The following HSPG2 variants were observed in gnomAD, a reference collection of about 807,000 sequenced individuals.
HSPG2 encodes the protein heparan sulfate proteoglycan 2, also known as basement membrane-specific heparan sulfate proteoglycan core protein.
Under a neutral mutation model 526.6 loss-of-function variants are expected in HSPG2, and 278 were observed. The ratio of observed to expected loss-of-function variants is 0.53; its 90% confidence interval spans 0.48 to 0.58. HSPG2 has a LOEUF of 0.58. Among genes scored for constraint, HSPG2 ranks in the 20% least tolerant of loss-of-function variants. HSPG2 has a pLI of 0.00. For missense variants in HSPG2, 5,354 were observed against 6,099.5 expected (o/e 0.88, Z 4.07); for synonymous variants, 2,465 against 2,555.4 (o/e 0.96, Z 1.07).
In HSPG2 at chr1:21,837,088, A is replaced by C. The variant is rs1005705863; in HGVS notation, c.10151-82T>G. ...CCCTCCAGGGACCCAGGAAACCCCC[A>C]GCCCAACATTCAAGGAATGTTCTCC... On this transcript the variant is annotated intron_variant, in intron 74 of 96. Transcript: ENST00000374695. 5 of 1,276,638 alleles carry C rather than the reference A, an allele frequency of 3.9e-6. No homozygotes were observed. The African/African-American group carries it at 7.4e-5, about 19-fold the overall frequency. The allele number at this position is 1,276,638 out of a possible 1,614,324, so 79.1% of individuals were successfully genotyped here.
intron 14 of HSPG2, 110 bp downstream of exon 14, chr1:21,881,229 G>A (rs551297340): frequency 3.1e-6 from 4 of 1,292,438 alleles, no homozygotes; most frequent in Non-Finnish European, 3.4e-6. Flanking sequence ...CTGCATCGGG[G>A]CATGGTAACA....
In HSPG2 at chr1:21,842,829, G is replaced by C. The variant is rs2152706972; in HGVS notation, c.8851C>G (p.Gln2951Glu). The C allele has an allele frequency of 6.2e-7, 1 of 1,614,030 alleles. No individual in the cohort carries two copies. The highest frequency in any genetic ancestry group is 1.7e-4 in the Middle Eastern group (1 of 6,022). ...TACCACGTGACCTGGGCATGGGCCT[G>C]CCCGGGCACCACACAGTTCAGATCC... ...TLDLNCVVPG[Q>E]AHAQVTWYKR... The change falls in exon 67 of 97, where the codon CAG becomes GAG. Residue 2951 changes from glutamine to glutamate, a missense_variant. Transcript: ENST00000374695.
At position 21,890,547 on chromosome 1, in the gene HSPG2, G is replaced by A. The variant is rs754899953; in HGVS notation, c.354+38C>T. 8.7e-6 allele frequency: 14 copies of A among 1,607,406 alleles called. No homozygotes were observed. The highest frequency in any genetic ancestry group is 6.7e-5 in the Admixed American group (4 of 59,978). On this transcript the variant is annotated intron_variant, in intron 4 of 96. Transcript: ENST00000374695. This position sits in a 1 kb window ranked among gnomAD's most constrained non-coding sequence, Gnocchi z 4.1. ...TTCACCCCATCCTCGGTCCTGCCCC[G>A]CCACACCCGCGAGCTTCCCAAACCC...
rs1056086917 is a variant in HSPG2, at chr1:21,864,517, G to T, written c.4627-304C>A. On this transcript the variant is annotated intron_variant, in intron 36 of 96. Coordinates refer to ENST00000374695, the MANE Select transcript of HSPG2 (RefSeq NM_005529.7). This position sits in a 1 kb window ranked among gnomAD's most constrained non-coding sequence, Gnocchi z 4.8. The stretch of plus-strand genomic sequence containing the variant: ...CATGAACTGGGTTTTAACCCCCGGA[G>T]AGTGTGGCCCAAACGTGAGGCTGCA... Among the ~76,000 whole-genome samples the T allele has an allele frequency of 2.0e-5, 3 of 152,160 alleles. No homozygotes were observed. Among genetic ancestry groups the T allele is most frequent in the Non-Finnish European group, 2.9e-5 (2 of 68,042 alleles).
intron 1 of HSPG2, among the ~76,000 whole-genome samples, chr1:21,901,078 T>C (rs1643075211): frequency 6.6e-6 from 1 of 152,106 alleles, no homozygotes; most frequent in Non-Finnish European, 1.5e-5. Flanking sequence ...GCACATGCTC[T>C]ATGTCACCTT....
rs560125766 is a variant in HSPG2 at position 21,841,193 on chromosome 1, G to A, written c.9421C>T (p.Arg3141Cys). The A allele has an allele frequency of 3.7e-5, 60 of 1,613,840 alleles. No homozygotes were observed. Among genetic ancestry groups the A allele is most frequent in the Admixed American group, 1.8e-4 (11 of 60,034 alleles). The change falls in exon 71 of 97, where the codon CGC becomes TGC. Residue 3141 changes from arginine to cysteine, a missense_variant. Arg to Cys is a radical substitution (Grantham distance 180). Coordinates refer to ENST00000374695, the MANE Select transcript of HSPG2 (RefSeq NM_005529.7). ...TLECVSAGEP[R>C]SSARWTRISS... ...ATCCGGGTCCAACGAGCAGAGGAGC[G>A]GGGCTCCCCGGCACTGACACACTCC...
rs1380474329 is a variant in HSPG2 at position 21,917,478 on chromosome 1, TAA to T, written c.63+19675_63+19676del. Among the ~76,000 whole-genome samples, 4 of 135,804 alleles carry T rather than the reference TAA, an allele frequency of 2.9e-5. No individual in the cohort carries two copies. In the East Asian group the frequency reaches 9.0e-4, roughly 31 times the overall value. The allele number at this position is 135,804 out of a possible 152,430, so 89.1% of individuals were successfully genotyped here. On this transcript the variant is annotated intron_variant, in intron 1 of 96. Transcript: ENST00000374695. ...ATAAATAAATAAATAAATAAATAAA[TAA>T]ATAAAAATAAAAGACAGGGCAGAAT... is the stretch of plus-strand genomic sequence containing the variant.
chr1:21,874,449 C>T lies in HSPG2; in HGVS notation c.3613G>A (p.Asp1205Asn), dbSNP rs1640891584. 6.2e-7 allele frequency: 1 copy of T among 1,611,936 alleles called. No individual in the cohort carries two copies. The highest frequency in any genetic ancestry group is 8.5e-7 in the Non-Finnish European group (1 of 1,179,928). ...CCGTAGCAGGGGCACAGCTGGCAGTCCTGTGGTGTCCCCCGCTGGGCGTCC... is the reference window on the plus strand; with the variant it reads ...CCGTAGCAGGGGCACAGCTGGCAGTTCTGTGGTGTCCCCCGCTGGGCGTCC... ...YGDAQRGTPQ[D>N]CQLCPCYGDP... Residue 1205 changes from aspartate to asparagine, a missense_variant, in exon 28 of 97, where the codon GAC becomes AAC. Transcript: ENST00000374695.
intron 81 of HSPG2, 92 bp from the exon 82 acceptor site, chr1:21,831,888 A>T: frequency 7.3e-7 from 1 of 1,362,160 alleles, no homozygotes; most frequent in Non-Finnish European, 1.0e-6. Flanking sequence ...GTCCCAGAGG[A>T]GGGATGTCAC....
rs1641409021 is a variant in HSPG2 at position 21,880,479 on chromosome 1, G to A, written c.2079C>T (p.Leu693=). The change falls in exon 16 of 97, where the codon CTC becomes CTT. Residue 693 remains leucine, a synonymous_variant. Coordinates refer to ENST00000374695, the MANE Select transcript of HSPG2 (RefSeq NM_005529.7). The part of the protein sequence containing the change: ...LQVLQSLEAV[L]IQTVYNTKMA... ...TCTTGGTGTTGTACACGGTCTGGAT[G>A]AGCACGGCCTCCAGGCTCTGCAGCA... 4.3e-6 allele frequency: 7 copies of A among 1,613,830 alleles called. No individual in the cohort carries two copies. The highest frequency in any genetic ancestry group is 2.2e-5 in the East Asian group (1 of 44,880).
chr1:21,908,183 C>T (rs1430989110), intron 1 of HSPG2: 11 of 837,704 alleles, frequency 1.3e-5, no homozygotes, highest in Non-Finnish European at 2.3e-5. Context: ...CCTTTGGCCA[C>T]GTATATGCGA....
Position 21,872,197 on chromosome 1 carries a change from G to C in HSPG2, c.4210C>G (p.Gln1404Glu), listed in dbSNP as rs1640703845. The change falls in exon 33 of 97, where the codon CAG becomes GAG. Residue 1404 changes from glutamine (Q) to glutamate (E), a missense_variant. By Grantham distance (29) the Gln-to-Glu change is conservative. Coordinates refer to ENST00000374695, the MANE Select transcript of HSPG2 (RefSeq NM_005529.7). The surrounding 1 kb of genome is among the most constrained non-coding windows in gnomAD (Gnocchi z 5.5). ...SFYWQLPETY[Q>E]GDKVAAYGGK... ...TGGCTGGGGCCCACCTTGTCTCCCT[G>C]GTATGTCTCCGGCAGCTGCCAGTAG... 2 of 1,551,634 alleles carry C rather than the reference G, an allele frequency of 1.3e-6. No homozygotes were observed. The highest frequency in any genetic ancestry group is 8.7e-7 in the Non-Finnish European group (1 of 1,147,054).
intron 1 of HSPG2, among the ~76,000 whole-genome samples, chr1:21,931,370 G>A (rs1234742776): frequency 6.6e-6 from 1 of 152,252 alleles, no homozygotes; most frequent in East Asian, 1.9e-4. Flanking sequence ...AGCAGGAGGG[G>A]GTGGCAGGGC....
At position 21,878,587 on chromosome 1, in the gene HSPG2, G is replaced by A. The variant is rs768371686; in HGVS notation, c.2548C>T (p.Arg850Cys). 31 of 1,613,996 alleles carry A rather than the reference G, an allele frequency of 1.9e-5. No individual in the cohort carries two copies. Among genetic ancestry groups the A allele is most frequent in the African/African-American group, 2.7e-5 (2 of 74,930 alleles). The change falls in exon 19 of 97, where the codon CGC becomes TGC. Residue 850 changes from arginine to cysteine, a missense_variant. By Grantham distance (180) the Arg-to-Cys change is radical. Coordinates refer to ENST00000374695, the MANE Select transcript of HSPG2 (RefSeq NM_005529.7). ...AAGGCTCTCCCTCACCTCTCACAGCGGCGGCCAGTGTAGCCTGGGGCACAG... is the reference window on the plus strand; with the variant it reads ...AAGGCTCTCCCTCACCTCTCACAGCAGCGGCCAGTGTAGCCTGGGGCACAG... ...DACAPGYTGR[R>C]CESCAPGYEG...
intron 74 of HSPG2, 138 bp downstream of exon 74, chr1:21,838,687 C>T (rs1374010902): frequency 3.4e-6 from 3 of 889,238 alleles, no homozygotes; most frequent in East Asian, 2.6e-5. Context: ...CTGCCTCGGG[C>T]CCTGGAGAGT....
At chr1:21,831,948 T>C (rs2098006228) in intron 81 of HSPG2, 152 bp from the exon 82 acceptor site, 3 of 806,748 alleles carry the variant, frequency 3.7e-6, no homozygotes. Flanking sequence ...TGTCCCTGTC[T>C]TGTCGTCCCT....
At chr1:21,876,126 T>C in intron 23 of HSPG2, 84 bp from the exon 24 acceptor site, 1 of 1,571,620 alleles carries the variant, frequency 6.4e-7, no homozygotes. Context: ...ATGCAGTGTA[T>C]CTCACTATTC....
rs1641830394 is a variant in HSPG2, at chr1:21,885,547, A to G, written c.1079-96T>C. ...CTCTCATCTTGCCCACATAACCCACAGCGGCCCTCGCCATGCCTAGCCCCT... is the reference window on the plus strand; with the variant it reads ...CTCTCATCTTGCCCACATAACCCACGGCGGCCCTCGCCATGCCTAGCCCCT... On this transcript the variant is annotated intron_variant, in intron 9 of 96. Coordinates refer to ENST00000374695, the MANE Select transcript of HSPG2 (RefSeq NM_005529.7). The G allele has an allele frequency of 3.4e-6, 5 of 1,449,458 alleles. 1 individual carries two copies. Among genetic ancestry groups the G allele is most frequent in the Middle Eastern group, 2.1e-4 (1 of 4,744 alleles). The allele number at this position is 1,449,458 out of a possible 1,614,324, so 89.8% of individuals were successfully genotyped here.
At chr1:21,894,862 C>G (rs12402710) in intron 3 of HSPG2, among the ~76,000 whole-genome samples, 46,810 of 149,910 alleles carry the variant, frequency 0.31, 7,468 homozygotes, top group Admixed American at 0.4. Context: ...CACCCAGCTC[C>G]CAGGCATCCT....
Sources: gnomAD v4.1 joint callset for allele counts (sites outside exome capture counted in the v4.1 genomes callset) on GRCh38, gnomAD v4.1.1 for gene constraint, Gnocchi (gnomAD v3.1) non-coding constraint, MANE v1.5 for transcripts, NCBI Gene and HGNC (gene_info 2026-07-23, HGNC 2026-07-21) for gene names.